The following PPFIBP2 variants were observed in gnomAD, a reference collection of about 807,000 sequenced individuals.
PPFIBP2 encodes the protein PPFIB scaffold protein 2.
PPFIBP2 carries 118 observed loss-of-function variants against 118.3 expected under a neutral mutation model. The observed-to-expected ratio is 1.00, with a 90% CI of 0.86 to 1.16. The LOEUF (loss-of-function observed/expected upper bound fraction) is 1.16, where lower values mean the gene tolerates loss of function less well. Ranked by LOEUF, PPFIBP2 falls within the 50% of genes most tolerant of loss-of-function variation. PPFIBP2 has a pLI of 0.00. For missense variants in PPFIBP2, 1,195 were observed against 1,073.1 expected, an observed-to-expected ratio of 1.11 and a Z score of -1.59; for synonymous variants, 414 against 397.4, an observed-to-expected ratio of 1.04 and a Z score of -0.50.
intron 3 of PPFIBP2, among the ~76,000 whole-genome samples, chr11:7,580,104 GTTTTATC>G (rs1452569084): frequency 1.3e-5 from 2 of 152,064 alleles, no homozygotes. Flanking sequence ...TACCTTTTTA[GTTTTATC>G]TTTTATATCT....
intron 1 of PPFIBP2, among the ~76,000 whole-genome samples, chr11:7,544,799 TC>T (rs1208045005): frequency 7.5e-6 from 1 of 133,178 alleles, no homozygotes; most frequent in African/African-American, 2.8e-5. Flanking sequence ...AAAAAAAAAA[TC>T]TACTTCCCAC....
chr11:7,592,793 G>A (rs1191153854), intron 3 of PPFIBP2, among the ~76,000 whole-genome samples: 1 of 152,184 alleles, frequency 6.6e-6, no homozygotes, highest in Non-Finnish European at 1.5e-5. Context: ...CCTCATTGTC[G>A]CCATGCCTCT....
intron 2 of PPFIBP2, among the ~76,000 whole-genome samples, chr11:7,555,240 GGT>G (rs1853467718): frequency 6.6e-6 from 1 of 152,094 alleles, no homozygotes; most frequent in African/African-American, 2.4e-5. Flanking sequence ...CTCTGCATGA[GGT>G]TACTCATGCA....
At position 7,620,640 on chromosome 11, in the gene PPFIBP2, T is replaced by C. The variant is rs1035400660; in HGVS notation, c.619-295T>C. ...AGCCTCGCCTGCCTGCCTATACTCA[T>C]GTGTGTGATGTTGGCATACCCCACA... is the stretch of plus-strand genomic sequence containing the variant. On this transcript the variant is annotated intron_variant, in intron 6 of 23. Coordinates refer to ENST00000299492, the MANE Select transcript of PPFIBP2 (RefSeq NM_003621.5). Among the ~76,000 whole-genome samples, 5 of 152,134 alleles carry C rather than the reference T, an allele frequency of 3.3e-5. No individual in the cohort carries two copies. The East Asian group carries it at 5.8e-4, about 18-fold the overall frequency.
At chr11:7,638,954 A>T (rs1018584937) in intron 14 of PPFIBP2, among the ~76,000 whole-genome samples, 1 of 152,208 alleles carries the variant, frequency 6.6e-6, no homozygotes. Context: ...GTTGGCATGT[A>T]GTCCTCTGGC....
intron 18 of PPFIBP2, 89 bp downstream of exon 18, chr11:7,648,626 C>T (rs908082581): frequency 6.4e-7 from 1 of 1,557,336 alleles, no homozygotes; most frequent in African/African-American, 1.4e-5. Flanking sequence ...CACATACACA[C>T]AGGAGGATGG....
At chr11:7,662,552 C>T in the PPFIBP2 span, among the ~76,000 whole-genome samples, 2 of 151,006 alleles carry the variant, frequency 1.3e-5, no homozygotes, top group Non-Finnish European at 3.0e-5. Context: ...TGAGGGTAAC[C>T]CGACCTTTCT....
intron 5 of PPFIBP2, among the ~76,000 whole-genome samples, chr11:7,599,318 A>G (rs1860975069): frequency 6.6e-6 from 1 of 152,212 alleles, no homozygotes; most frequent in South Asian, 2.1e-4. Context: ...GAGCAAGAAC[A>G]TTTGAATACG....
At chr11:7,527,558 C>G (rs1850337725) in intron 1 of PPFIBP2, among the ~76,000 whole-genome samples, 1 of 152,108 alleles carries the variant, frequency 6.6e-6, no homozygotes, top group South Asian at 2.1e-4. Context: ...ACAGACATGT[C>G]CCCTGACTGA....
At chr11:7,543,948 C>G (rs1852034986) in intron 1 of PPFIBP2, among the ~76,000 whole-genome samples, 1 of 152,176 alleles carries the variant, frequency 6.6e-6, no homozygotes, top group African/African-American at 2.4e-5. Context: ...TGTCATCATA[C>G]CTTGCCATTC....
chr11:7,554,931 C>T (rs1335445080), intron 2 of PPFIBP2, among the ~76,000 whole-genome samples: 1 of 151,978 alleles, frequency 6.6e-6, no homozygotes. Context: ...ATATGAAAGA[C>T]CATTATTATA....
chr11:7,583,119 GT>G (rs1273372406), intron 3 of PPFIBP2, among the ~76,000 whole-genome samples: 3 of 152,198 alleles, frequency 2.0e-5, no homozygotes, highest in African/African-American at 7.2e-5. Context: ...CCTGAAGCCA[GT>G]GAGCACTAAC....
intron 5 of PPFIBP2, among the ~76,000 whole-genome samples, chr11:7,599,683 T>C (rs138343841): frequency 0.011 from 1,589 of 149,540 alleles, 28 homozygotes; most frequent in African/African-American, 0.037. Context: ...CAGGCTGGAG[T>C]GCGGTGGCGC....
chr11:7,595,465 A>T (rs1174389041), intron 4 of PPFIBP2, among the ~76,000 whole-genome samples: 1 of 152,240 alleles, frequency 6.6e-6, no homozygotes, highest in Non-Finnish European at 1.5e-5. Context: ...CTGTGTAATA[A>T]TGCTCCCTTT....
chr11:7,565,056 C>T (rs960721926), intron 2 of PPFIBP2, among the ~76,000 whole-genome samples: 1 of 145,598 alleles, frequency 6.9e-6, no homozygotes, highest in Non-Finnish European at 1.5e-5. Context: ...TGAGATCTTA[C>T]TGTCTAAACG....
chr11:7,533,092 G>T (rs1283387900), intron 1 of PPFIBP2, among the ~76,000 whole-genome samples: 1 of 151,970 alleles, frequency 6.6e-6, no homozygotes, highest in Non-Finnish European at 1.5e-5. Flanking sequence ...GAAGTGCCTG[G>T]TTTTATTATC....
At chr11:7,528,687 A>G (rs1219608295) in intron 1 of PPFIBP2, among the ~76,000 whole-genome samples, 1 of 152,186 alleles carries the variant, frequency 6.6e-6, no homozygotes. Context: ...CAGTTCAGTA[A>G]GCATTTGCTG....
chr11:7,606,149 A>C, intron 5 of PPFIBP2: 1 of 1,080,182 alleles, frequency 9.3e-7, no homozygotes, highest in Non-Finnish European at 1.3e-6. Flanking sequence ...TCGGGGGGCA[A>C]AATACTGGCT....
In PPFIBP2 at chr11:7,519,551, C is replaced by T. The variant is rs574853179; in HGVS notation, c.-37+5430C>T. 1.6e-4 allele frequency among the ~76,000 whole-genome samples: 25 copies of T among 152,170 alleles called. No homozygotes were observed. In the East Asian group the frequency reaches 3.3e-3, roughly 20 times the overall value. On this transcript the variant is annotated intron_variant, in intron 1 of 23. Transcript: ENST00000299492. ...GCAAAAAAAGAAAAGGCGCTTAGGG[C>T]GGATATCTTGCCTGAGGCCTAAGGT...
Sources: gnomAD v4.1 joint callset for allele counts (sites outside exome capture counted in the v4.1 genomes callset) on GRCh38, gnomAD v4.1.1 for gene constraint, MANE v1.5 for transcripts, NCBI Gene and HGNC (gene_info 2026-07-23, HGNC 2026-07-21) for gene names.